RNLS: variants seen among roughly 807,000 people sequenced by gnomAD.
RNLS encodes renalase, FAD dependent amine oxidase, also known as renalase.
In RNLS, 39 loss-of-function variants were observed where a neutral mutation model predicts 39.8. That is an observed-to-expected ratio of 0.98 (90% CI 0.76 to 1.28). The LOEUF (loss-of-function observed/expected upper bound fraction) is 1.28. Ranked by LOEUF, RNLS falls within the 50% of genes most tolerant of loss-of-function variation. The pLI, the probability that RNLS is intolerant of heterozygous loss-of-function variation, is 0.00. For synonymous variants in RNLS, 147 were observed against 150.7 expected (o/e 0.98, Z 0.18); for missense variants, 410 against 413.3 (o/e 0.99, Z 0.07).
chr10:88,290,111 C>G (rs1409155358), intron 6 of RNLS, among the ~76,000 whole-genome samples: 1 of 152,112 alleles, frequency 6.6e-6, no homozygotes, highest in African/African-American at 2.4e-5. Flanking sequence ...GACAAGTAGG[C>G]TGAGTATTTT....
At chr10:88,369,493 A>C (rs1850373735) in intron 4 of RNLS, among the ~76,000 whole-genome samples, 1 of 152,088 alleles carries the variant, frequency 6.6e-6, no homozygotes, top group Non-Finnish European at 1.5e-5. Context: ...TTTACAGCTA[A>C]AGTTCCTTTC....
intron 4 of RNLS, among the ~76,000 whole-genome samples, chr10:88,489,426 G>A (rs1276921989): frequency 2.6e-5 from 4 of 152,224 alleles, no homozygotes; most frequent in East Asian, 1.9e-4. Flanking sequence ...CCAGGTACTC[G>A]GACCCTAGCA....
Position 88,441,183 on chromosome 10 carries a change from G to A in RNLS, c.527-78458C>T, listed in dbSNP as rs115300280. Among the ~76,000 whole-genome samples the A allele has an allele frequency of 7.8e-3, 1,184 of 152,202 alleles. 17 individuals carry two copies. The highest frequency in any genetic ancestry group is 0.025 in the African/African-American group (1,018 of 41,534). On this transcript the variant is annotated intron_variant, in intron 4 of 6. Transcript: ENST00000331772. ...TCTTCTTTTCTATGCCTATTAACGT[G>A]CTTTTGGGAACCCATGGCAATTTAT...
At chr10:88,376,565 C>T (rs1290266560) in intron 4 of RNLS, among the ~76,000 whole-genome samples, 1 of 152,156 alleles carries the variant, frequency 6.6e-6, no homozygotes, top group Non-Finnish European at 1.5e-5. Context: ...GGGAAAGCAG[C>T]TCCAACTGTT....
chr10:88,317,878 T>C (rs1845880163), intron 5 of RNLS, among the ~76,000 whole-genome samples: 1 of 152,176 alleles, frequency 6.6e-6, no homozygotes, highest in African/African-American at 2.4e-5. Context: ...CTCAGAACCC[T>C]GTGCTAAGGG....
chr10:88,448,216 C>T (rs1386578507), intron 4 of RNLS, among the ~76,000 whole-genome samples: 2 of 152,170 alleles, frequency 1.3e-5, no homozygotes, highest in Non-Finnish European at 2.9e-5. Flanking sequence ...TCAGAGTGAA[C>T]AGGCAACCTA....
chr10:88,241,306 T>C, the RNLS span, among the ~76,000 whole-genome samples: 2,012 of 152,148 alleles, frequency 0.013, 47 homozygotes, highest in African/African-American at 0.046. Context: ...TGGAATATTT[T>C]TGACTATTGA....
At chr10:88,504,842 A>AGT (rs147390554) in intron 4 of RNLS, among the ~76,000 whole-genome samples, 32,341 of 106,238 alleles carry the variant, frequency 0.3, 3,967 homozygotes, top group East Asian at 0.38. Flanking sequence ...AGAGAGAGAC[A>AGT]GAGTGTGTGT....
chr10:88,270,279 T>A (rs1217709764), downstream of RNLS, among the ~76,000 whole-genome samples: 1 of 152,220 alleles, frequency 6.6e-6, no homozygotes, highest in Non-Finnish European at 1.5e-5. Context: ...TGCGGTCAAG[T>A]GCAGTCAAGA....
At chr10:88,420,055 TAAA>T (rs1854309117) in intron 4 of RNLS, among the ~76,000 whole-genome samples, 1 of 42,488 alleles carries the variant, frequency 2.4e-5, no homozygotes, top group South Asian at 9.4e-4. Context: ...AATAAATAAA[TAAA>T]TGAATGAATA....
Position 88,278,109 on chromosome 10 carries a change from G to C in RNLS, c.877-3077C>G, listed in dbSNP as rs1013945786. Among the ~76,000 whole-genome samples, 10 of 152,240 alleles carry C rather than the reference G, an allele frequency of 6.6e-5. No individual in the cohort carries two copies. In the East Asian group the frequency reaches 1.7e-3, roughly 26 times the overall value. On this transcript the variant is annotated intron_variant, in intron 6 of 6. Coordinates refer to the RNLS transcript ENST00000371947. ...TAGGCACATAATGAATGGGTTTCCT[G>C]CTTCTAGGCACATTCTTGTAGCTCT...
At chr10:88,482,878 T>A (rs181961577) in intron 4 of RNLS, among the ~76,000 whole-genome samples, 1 of 152,128 alleles carries the variant, frequency 6.6e-6, no homozygotes, top group Non-Finnish European at 1.5e-5. Flanking sequence ...TGTCTCCCTG[T>A]GGGGTGTAGC....
chr10:88,457,796 C>T (rs1460754816), intron 4 of RNLS, among the ~76,000 whole-genome samples: 3 of 152,208 alleles, frequency 2.0e-5, no homozygotes, highest in African/African-American at 7.2e-5. Flanking sequence ...TCCCAATCAA[C>T]AAAGCCTCCT....
intron 4 of RNLS, among the ~76,000 whole-genome samples, chr10:88,398,529 G>A (rs967980122): frequency 1.3e-5 from 2 of 151,952 alleles, no homozygotes; most frequent in South Asian, 4.1e-4. Context: ...AAAAGGGTCA[G>A]TTCCTCCAGC....
chr10:88,247,723 A>G, the RNLS span, among the ~76,000 whole-genome samples: 1 of 152,332 alleles, frequency 6.6e-6, no homozygotes, highest in East Asian at 1.9e-4. Flanking sequence ...TTGCATGTGG[A>G]ATTAAGTTTG....
Position 88,330,090 on chromosome 10 carries a change from TAA to T in RNLS, c.701-15451_701-15450del, listed in dbSNP as rs763861661. 6.7e-3 allele frequency among the ~76,000 whole-genome samples: 937 copies of T among 139,668 alleles called. 8 individuals carry two copies. Among genetic ancestry groups the T allele is most frequent in the South Asian group, 0.019 (85 of 4,470 alleles). The allele number at this position is 139,668 out of a possible 152,430, so 91.6% of individuals were successfully genotyped here. A position where few individuals can be genotyped will look rare whatever the true frequency, so the allele number is the denominator to read the frequency against. ...TTTGAGATATATATATATATATATATAAATATAAATATATATACACACACTAT... is the reference window on the plus strand; with the variant it reads ...TTTGAGATATATATATATATATATATATATAAATATATATACACACACTAT... On this transcript the variant is annotated intron_variant, in intron 5 of 6. Coordinates refer to ENST00000331772, the MANE Select transcript of RNLS (RefSeq NM_001031709.3).
At chr10:88,485,633 A>G (rs1844449674) in intron 4 of RNLS, among the ~76,000 whole-genome samples, 1 of 118,212 alleles carries the variant, frequency 8.5e-6, no homozygotes, top group Admixed American at 9.6e-5. Context: ...TTTATATACA[A>G]TGAAAAACCA....
At chr10:88,375,724 G>A (rs1850940518) in intron 4 of RNLS, among the ~76,000 whole-genome samples, 1 of 152,100 alleles carries the variant, frequency 6.6e-6, no homozygotes, top group African/African-American at 2.4e-5. Flanking sequence ...GTAGGGTAAG[G>A]AAAAATGGCT....
chr10:88,263,687 T>G, the RNLS span, among the ~76,000 whole-genome samples: 1 of 152,028 alleles, frequency 6.6e-6, no homozygotes, highest in Admixed American at 6.6e-5. Flanking sequence ...CATTCTGGAG[T>G]CAGAATGACC....
Sources: gnomAD v4.1 joint callset for allele counts (sites outside exome capture counted in the v4.1 genomes callset) on GRCh38, gnomAD v4.1.1 for gene constraint, MANE v1.5 for transcripts, NCBI Gene and HGNC (gene_info 2026-07-23, HGNC 2026-07-21) for gene names.